The following FZD6 variants were observed in gnomAD, a reference collection of about 807,000 sequenced individuals.
FZD6 encodes frizzled class receptor 6.
Under a neutral mutation model 61.4 loss-of-function variants are expected in FZD6, and 49 were observed. The ratio of observed to expected loss-of-function variants is 0.80; its 90% CI spans 0.63 to 1.01. The LOEUF is 1.01. FZD6 is among the 50% of genes least tolerant of loss of function. FZD6 has a pLI of 0.00. For missense variants in FZD6, 724 were observed against 848.2 expected (o/e 0.85, Z 1.82); for synonymous variants, 265 against 292.2 (o/e 0.91, Z 0.95).
chr8:103,322,679 A>G (rs911579907), intron 3 of FZD6, among the ~76,000 whole-genome samples: 1 of 152,196 alleles, frequency 6.6e-6, no homozygotes, highest in Non-Finnish European at 1.5e-5. Flanking sequence ...GGGGAAAGAA[A>G]CTGGTTAGCT....
chr8:103,315,412 A>G (rs1814601356), intron 2 of FZD6, among the ~76,000 whole-genome samples: 1 of 152,240 alleles, frequency 6.6e-6, no homozygotes, highest in Admixed American at 6.5e-5. Context: ...ATACAGTGGA[A>G]TATTACTCAG....
chr8:103,299,359 C>G (rs779329870), intron 1 of FZD6, among the ~76,000 whole-genome samples: 4 of 152,230 alleles, frequency 2.6e-5, no homozygotes, highest in Admixed American at 6.5e-5. Context: ...TTCGCCCTTC[C>G]CCCGGGACAG....
chr8:103,303,582 A>C (rs901481080), intron 2 of FZD6, among the ~76,000 whole-genome samples: 3 of 152,216 alleles, frequency 2.0e-5, no homozygotes, highest in African/African-American at 7.2e-5. Context: ...AGGCTACATA[A>C]AAGCTAAATA....
chr8:103,315,133 G>A (rs1814594457), intron 2 of FZD6, among the ~76,000 whole-genome samples: 1 of 152,038 alleles, frequency 6.6e-6, no homozygotes. Context: ...CATTTCGAGT[G>A]GAAGGAGATG....
intron 2 of FZD6, among the ~76,000 whole-genome samples, chr8:103,313,632 C>A (rs373792349): frequency 6.6e-6 from 1 of 152,156 alleles, no homozygotes; most frequent in Non-Finnish European, 1.5e-5. Context: ...ACATACACTT[C>A]GAAAATAATT....
intron 2 of FZD6, among the ~76,000 whole-genome samples, chr8:103,307,424 A>G (rs556146814): frequency 6.6e-6 from 1 of 152,338 alleles, no homozygotes; most frequent in Non-Finnish European, 1.5e-5. Context: ...CACTGTTCAG[A>G]TACTTGACAT....
rs987662181 is a variant in FZD6, at chr8:103,328,520, A to G, written c.1541+104A>G. Reference sequence around the variant, plus strand: ...CTAGAGTTTCATTATATCAACTATTATTTCAATTTGATTTGCCAACTGAAG... The same window carrying G: ...CTAGAGTTTCATTATATCAACTATTGTTTCAATTTGATTTGCCAACTGAAG... On this transcript the variant is annotated intron_variant, in intron 5 of 6. Transcript: ENST00000358755. 12 of 935,914 alleles carry G rather than the reference A, an allele frequency of 1.3e-5. No individual in the cohort carries two copies. In the African/African-American group the frequency reaches 1.8e-4, roughly 14 times the overall value. 58.0% of individuals were successfully genotyped at this position (935,914 alleles called of 1,614,324 possible).
At chr8:103,313,567 C>T (rs1383821724) in intron 2 of FZD6, among the ~76,000 whole-genome samples, 2 of 152,172 alleles carry the variant, frequency 1.3e-5, no homozygotes, top group African/African-American at 4.8e-5. Flanking sequence ...CTTTTAACTT[C>T]TTATTTAAAG....
chr8:103,301,478 GATA>G (rs1187828345), intron 2 of FZD6, among the ~76,000 whole-genome samples: 11 of 152,154 alleles, frequency 7.2e-5, no homozygotes, highest in Admixed American at 5.9e-4. Flanking sequence ...TTTTGCTGAT[GATA>G]ATATGTTTTG....
intron 2 of FZD6, among the ~76,000 whole-genome samples, chr8:103,307,220 A>G (rs1292066502): frequency 6.6e-6 from 1 of 152,142 alleles, no homozygotes; most frequent in Non-Finnish European, 1.5e-5. Context: ...CTCTCAATTA[A>G]AATTCTAGCC....
At chr8:103,317,225 A>G (rs571047641) in intron 2 of FZD6, among the ~76,000 whole-genome samples, 1 of 152,340 alleles carries the variant, frequency 6.6e-6, no homozygotes, top group Admixed American at 6.5e-5. Flanking sequence ...TGGAACTATA[A>G]GAAGTAGAAG....
intron 2 of FZD6, among the ~76,000 whole-genome samples, chr8:103,310,553 C>T (rs558911959): frequency 4.7e-4 from 72 of 152,292 alleles, no homozygotes; most frequent in African/African-American, 1.7e-3. Context: ...GTGTGAGCCA[C>T]CATGCCCAGC....
intron 3 of FZD6, among the ~76,000 whole-genome samples, chr8:103,322,089 G>A (rs1814806776): frequency 6.6e-6 from 1 of 152,110 alleles, no homozygotes; most frequent in Non-Finnish European, 1.5e-5. Context: ...ATTAATAAGT[G>A]CATTTCAAAG....
intron 2 of FZD6, among the ~76,000 whole-genome samples, chr8:103,304,488 T>TACCC (rs1814273601): frequency 6.6e-6 from 1 of 152,216 alleles, no homozygotes; most frequent in African/African-American, 2.4e-5. Flanking sequence ...TTTTGAGTGT[T>TACCC]AAAGTTCAAG....
chr8:103,325,226 C>A lies in FZD6; in HGVS notation c.1120C>A (p.Pro374Thr). 6.2e-7 allele frequency: 1 copy of A among 1,614,170 alleles called. No homozygotes were observed. Among genetic ancestry groups the A allele is most frequent in the East Asian group, 2.2e-5 (1 of 44,886 alleles). ...TGCTTCTCGCTACTTTGTACTCTTG[C>A]CACTGTGCCTTTGTGTGTTTGTTGG... is the stretch of plus-strand genomic sequence containing the variant. ...LDASRYFVLLPLCLCVFVGLS... is the reference protein window; with the variant it reads ...LDASRYFVLLTLCLCVFVGLS... Residue 374 changes from proline (P) to threonine (T), a missense_variant, in exon 4 of 7, where the codon CCA (proline) becomes ACA (threonine). Pro to Thr is a conservative substitution (Grantham distance 38). Transcript: ENST00000358755.
At chr8:103,302,768 C>T (rs773270545) in intron 2 of FZD6, among the ~76,000 whole-genome samples, 9 of 152,068 alleles carry the variant, frequency 5.9e-5, no homozygotes, top group Non-Finnish European at 1.3e-4. Context: ...TCTCTTTTTC[C>T]TTCTTACAAG....
At chr8:103,314,722 T>A (rs1215567600) in intron 2 of FZD6, among the ~76,000 whole-genome samples, 1 of 152,230 alleles carries the variant, frequency 6.6e-6, no homozygotes, top group Non-Finnish European at 1.5e-5. Context: ...AAGTCAGACT[T>A]GTTAATTGTA....
At chr8:103,322,841 G>A (rs1351959116) in intron 3 of FZD6, among the ~76,000 whole-genome samples, 2 of 152,112 alleles carry the variant, frequency 1.3e-5, no homozygotes, top group Non-Finnish European at 2.9e-5. Context: ...CCCTCCCATA[G>A]AAACTCTTAC....
intron 1 of FZD6, among the ~76,000 whole-genome samples, chr8:103,299,654 T>C (rs1586496743): frequency 6.6e-6 from 1 of 152,212 alleles, no homozygotes; most frequent in East Asian, 1.9e-4. Flanking sequence ...ATTAATCCTT[T>C]ATAATTTACT....
Sources: gnomAD v4.1 joint callset for allele counts (sites outside exome capture counted in the v4.1 genomes callset) on GRCh38, gnomAD v4.1.1 for gene constraint, MANE v1.5 for transcripts, NCBI Gene and HGNC (gene_info 2026-07-23, HGNC 2026-07-21) for gene names.